Variants in FAM120A observed in about 807,000 individuals in gnomAD.
FAM120A encodes constitutive coactivator of PPAR-gamma-like protein 1.
Under a neutral mutation model 109.7 loss-of-function variants are expected in FAM120A, and 15 were observed. That is an observed-to-expected ratio of 0.14 (90% CI 0.09 to 0.21). FAM120A has a LOEUF of 0.21. Ranked by LOEUF, FAM120A falls within the 10% of genes least tolerant of loss-of-function variation. The pLI is 1.00. For synonymous variants in FAM120A, 493 were observed against 572.8 expected (o/e 0.86, Z 1.99); for missense variants, 899 against 1,439.3 (o/e 0.62, Z 6.07).
At chr9:93,466,449 G>T (rs537585192) in intron 1 of FAM120A, among the ~76,000 whole-genome samples, 3 of 151,972 alleles carry the variant, frequency 2.0e-5, no homozygotes, top group African/African-American at 7.3e-5. Context: ...TTTGTTTTGG[G>T]AGTGCTTCCT....
At chr9:93,467,277 CTG>C (rs1858089307) in intron 1 of FAM120A, among the ~76,000 whole-genome samples, 1 of 116,512 alleles carries the variant, frequency 8.6e-6, no homozygotes, top group Non-Finnish European at 1.6e-5. Context: ...CATTGAATAA[CTG>C]TGGAACCACA....
At chr9:93,454,787 G>A (rs923639597) in intron 1 of FAM120A, among the ~76,000 whole-genome samples, 3 of 152,302 alleles carry the variant, frequency 2.0e-5, no homozygotes, top group African/African-American at 4.8e-5. Flanking sequence ...TTGAAACAGT[G>A]TATACCATTT....
rs1861373896 is a variant in FAM120A, at chr9:93,532,672, C to T, written c.1909+343C>T. The T allele has an allele frequency of 6.7e-6, 2 of 300,748 alleles. No homozygotes were observed. The highest frequency in any genetic ancestry group is 9.5e-5 in the Admixed American group (2 of 21,060). The allele number at this position is 300,748 out of a possible 1,614,324, so 18.6% of individuals were successfully genotyped here. A position where few individuals can be genotyped will look rare whatever the true frequency, so the allele number is the denominator to read the frequency against. On this transcript the variant is annotated intron_variant, in intron 10 of 17. Transcript: ENST00000277165. The surrounding 1 kb of genome is among the most constrained non-coding windows in gnomAD (Gnocchi z 4.3). ...TAATCAGGACGAGTGAGTTTCTGTG[C>T]TCTGGTTTTCATGAAGCACAGATCT...
In FAM120A at chr9:93,558,022, G is replaced by A. The variant is rs774323341; in HGVS notation, c.2668+12G>A. ...CAGAGGCTTTGCAGGTGAGTTGATTGGGACGTATTCCTGTGGGTAACAGAT... is the reference window on the plus strand; with the variant it reads ...CAGAGGCTTTGCAGGTGAGTTGATTAGGACGTATTCCTGTGGGTAACAGAT... On this transcript the variant is annotated intron_variant, in intron 14 of 17. Transcript: ENST00000277165. 22 of 1,579,482 alleles carry A rather than the reference G, an allele frequency of 1.4e-5. No individual in the cohort carries two copies.
intron 10 of FAM120A, among the ~76,000 whole-genome samples, chr9:93,541,359 C>G (rs1308482273): frequency 6.6e-6 from 1 of 151,996 alleles, no homozygotes; most frequent in Admixed American, 6.6e-5. Context: ...TGGAGATGAT[C>G]CTGTATGTTC....
At position 93,513,534 on chromosome 9, in the gene FAM120A, A is replaced by G. The variant is rs529466086; in HGVS notation, c.1031-2133A>G. 3.9e-5 allele frequency among the ~76,000 whole-genome samples: 6 copies of G among 152,288 alleles called. No individual in the cohort carries two copies. The East Asian group carries it at 1.2e-3, about 29-fold the overall frequency. On this transcript the variant is annotated intron_variant, in intron 5 of 17. Transcript: ENST00000277165. ...CTGTGACTACACACATGCCAGTCTC[A>G]TTATTCCCAGCTTCTCATACTGCAG...
chr9:93,560,422 T>A (rs563043785), intron 15 of FAM120A, among the ~76,000 whole-genome samples: 1 of 152,258 alleles, frequency 6.6e-6, no homozygotes, highest in African/African-American at 2.4e-5. Context: ...CAAAAAAATA[T>A]AAGCTTGTTG....
chr9:93,502,080 T>A (rs1859826863), intron 5 of FAM120A, among the ~76,000 whole-genome samples: 2 of 152,224 alleles, frequency 1.3e-5, no homozygotes, highest in South Asian at 4.1e-4. Flanking sequence ...TCTTTGGTGA[T>A]CTGTCATAGA....
chr9:93,501,470 G>C (rs571405682), intron 5 of FAM120A, among the ~76,000 whole-genome samples: 25 of 152,112 alleles, frequency 1.6e-4, no homozygotes, highest in Non-Finnish European at 3.2e-4. Context: ...TTCACTACTC[G>C]GTGGTTTATG....
chr9:93,479,323 C>G (rs974340158), intron 3 of FAM120A, among the ~76,000 whole-genome samples: 1 of 152,028 alleles, frequency 6.6e-6, no homozygotes, highest in Non-Finnish European at 1.5e-5. Flanking sequence ...TGGTCTCGAT[C>G]TCCTGACCTC....
intron 5 of FAM120A, among the ~76,000 whole-genome samples, chr9:93,513,217 T>G (rs1206767063): frequency 6.6e-6 from 1 of 152,214 alleles, no homozygotes; most frequent in Non-Finnish European, 1.5e-5. Flanking sequence ...TGTGAACAGT[T>G]TTTTAAAATA....
intron 2 of FAM120A, 30 bp downstream of exon 2, chr9:93,471,417 A>G (rs1858309299): frequency 1.2e-6 from 2 of 1,612,714 alleles, no homozygotes; most frequent in Non-Finnish European, 1.7e-6. Flanking sequence ...AATATTTTAT[A>G]AGGGAGTGAC....
chr9:93,452,938 G>A lies in FAM120A; in HGVS notation c.474+549G>A. The A allele has an allele frequency of 1.4e-6, 2 of 1,409,946 alleles. No individual in the cohort carries two copies. Among genetic ancestry groups the A allele is most frequent in the South Asian group, 1.5e-5 (1 of 64,580 alleles). The allele number at this position is 1,409,946 out of a possible 1,614,324, so 87.3% of individuals were successfully genotyped here. A position where few individuals can be genotyped will look rare whatever the true frequency, so the allele number is the denominator to read the frequency against. On this transcript the variant is annotated intron_variant, in intron 1 of 17. Transcript: ENST00000277165. The surrounding 1 kb of genome is among the most constrained non-coding windows in gnomAD (Gnocchi z 7.0). ...GACAGCGAGACGTGTCTAAGGGCCA[G>A]TGCCCTGGCCTCTACTTCAGAACGC...
At chr9:93,557,478 T>G (rs1412238757) in intron 13 of FAM120A, among the ~76,000 whole-genome samples, 1 of 152,162 alleles carries the variant, frequency 6.6e-6, no homozygotes, top group Non-Finnish European at 1.5e-5. Flanking sequence ...GACAAAAATG[T>G]GAAACACGTG....
intron 1 of FAM120A, among the ~76,000 whole-genome samples, chr9:93,454,280 A>T (rs959432458): frequency 6.6e-6 from 1 of 152,218 alleles, no homozygotes; most frequent in African/African-American, 2.4e-5. Context: ...CAAAATGAAT[A>T]TTGTAATAAC....
chr9:93,558,774 A>G (rs1396360851), intron 15 of FAM120A, 56 bp downstream of exon 15: 29 of 1,591,568 alleles, frequency 1.8e-5, no homozygotes, highest in Non-Finnish European at 2.4e-5. Flanking sequence ...CCTTCGCTCC[A>G]TCGTCTGGCG....
intron 5 of FAM120A, among the ~76,000 whole-genome samples, chr9:93,504,247 G>T (rs1186598363): frequency 6.6e-6 from 1 of 152,150 alleles, no homozygotes; most frequent in Non-Finnish European, 1.5e-5. Context: ...GGGGAGAGTG[G>T]TCAGGTGATG....
intron 11 of FAM120A, among the ~76,000 whole-genome samples, chr9:93,547,772 A>G (rs1349771988): frequency 6.6e-6 from 1 of 152,254 alleles, no homozygotes; most frequent in Admixed American, 6.5e-5. Flanking sequence ...AGGAATTAGC[A>G]CAAATAAATA....
chr9:93,531,953 T>A (rs1252033907), intron 9 of FAM120A, among the ~76,000 whole-genome samples: 1 of 152,248 alleles, frequency 6.6e-6, no homozygotes, highest in Non-Finnish European at 1.5e-5. Flanking sequence ...GATTTTATTT[T>A]GATTCTTTGA....
Sources: allele counts gnomAD v4.1 joint callset (sites outside exome capture counted in the v4.1 genomes callset), GRCh38; gene constraint gnomAD v4.1.1; non-coding constraint Gnocchi (gnomAD v3.1); transcripts MANE v1.5; gene names NCBI Gene and HGNC (gene_info 2026-07-23, HGNC 2026-07-21).